Variants in ZFHX4 observed in about 807,000 individuals in gnomAD.
ZFHX4 encodes the protein zinc finger homeobox 4, also known as zinc finger homeobox protein 4.
In ZFHX4, 56 loss-of-function variants were observed where a neutral mutation model predicts 267.6. The observed-to-expected ratio is 0.21, with a 90% CI of 0.17 to 0.26. ZFHX4 has a LOEUF of 0.26. Ranked by LOEUF, ZFHX4 falls within the 10% of genes least tolerant of loss-of-function variation. The pLI is 1.00. For missense variants in ZFHX4, 4,332 were observed against 4,420.0 expected, an observed-to-expected ratio of 0.98 and a Z score of 0.56; for synonymous variants, 1,778 against 1,665.6, an observed-to-expected ratio of 1.07 and a Z score of -1.64.
At chr8:76,734,080 A>G (rs1031463070) in intron 3 of ZFHX4, among the ~76,000 whole-genome samples, 10 of 152,174 alleles carry the variant, frequency 6.6e-5, no homozygotes, top group African/African-American at 2.4e-4. Context: ...GCTTAGGAGT[A>G]CTTAGTTATC....
chr8:76,823,578 C>G (rs1811710025), intron 4 of ZFHX4, among the ~76,000 whole-genome samples: 1 of 152,144 alleles, frequency 6.6e-6, no homozygotes, highest in Non-Finnish European at 1.5e-5. Context: ...TTGTATCAAT[C>G]ACTGCCTAGG....
At chr8:76,838,996 A>G (rs917170879) in intron 5 of ZFHX4, among the ~76,000 whole-genome samples, 4 of 148,222 alleles carry the variant, frequency 2.7e-5, no homozygotes, top group Admixed American at 2.0e-4. Flanking sequence ...CAGAAGTTGC[A>G]TGAGCCGAGA....
intron 4 of ZFHX4, among the ~76,000 whole-genome samples, chr8:76,784,665 C>T (rs956937354): frequency 6.6e-6 from 1 of 152,042 alleles, no homozygotes; most frequent in African/African-American, 2.4e-5. Context: ...AAGTCTATGA[C>T]ATATTTAAAC....
rs777029195 is a variant in ZFHX4 at position 76,854,073 on chromosome 8, C to T, written c.7152C>T (p.Gly2384=). Residue 2384 remains glycine (G), a synonymous_variant, in exon 10 of 11, where the codon GGC becomes GGT. Transcript: ENST00000651372. The part of the protein sequence containing the change: ...KNAAAPAASS[G]SGTSTPLIPS... ...CTGCTGCCCCTGCAGCAAGTTCTGGCTCTGGGACCAGCACCCCCCTGATTC... is the reference window on the plus strand; with the variant it reads ...CTGCTGCCCCTGCAGCAAGTTCTGGTTCTGGGACCAGCACCCCCCTGATTC... 4 of 1,613,848 alleles carry T rather than the reference C, an allele frequency of 2.5e-6. No homozygotes were observed. Among genetic ancestry groups the T allele is most frequent in the Non-Finnish European group, 3.4e-6 (4 of 1,179,880 alleles).
intron 3 of ZFHX4, among the ~76,000 whole-genome samples, chr8:76,775,912 T>TA (rs1434887369): frequency 6.6e-6 from 1 of 150,802 alleles, no homozygotes; most frequent in African/African-American, 2.4e-5. Flanking sequence ...TTTTTTTTTT[T>TA]AATGTGAAAG....
At chr8:76,749,781 G>T (rs1023820048) in intron 3 of ZFHX4, among the ~76,000 whole-genome samples, 1 of 152,106 alleles carries the variant, frequency 6.6e-6, no homozygotes, top group Non-Finnish European at 1.5e-5. Flanking sequence ...GGATAGAGTA[G>T]GATTTATTGA....
chr8:76,770,843 A>G (rs1563512389), intron 3 of ZFHX4, among the ~76,000 whole-genome samples: 1 of 152,182 alleles, frequency 6.6e-6, no homozygotes, highest in Non-Finnish European at 1.5e-5. Flanking sequence ...AATGAACCTT[A>G]CACTTGGAAG....
At chr8:76,753,821 T>C (rs897259085) in intron 3 of ZFHX4, among the ~76,000 whole-genome samples, 5 of 151,912 alleles carry the variant, frequency 3.3e-5, no homozygotes, top group African/African-American at 1.2e-4. Flanking sequence ...AGAGATGGAG[T>C]CTTACTATGT....
rs138589543 is a variant in ZFHX4, at chr8:76,845,899, A to AT, written c.3512-3088dup. On this transcript the variant is annotated intron_variant, in intron 6 of 10. Transcript: ENST00000651372. ...TTTAGTTAAAATGAATGAAAATGAC[A>AT]TTTTTTTTGAGGATATTGTGTTGTC... Among the ~76,000 whole-genome samples, 38 of 151,876 alleles carry AT rather than the reference A, an allele frequency of 2.5e-4. 1 individual carries two copies. The highest frequency in any genetic ancestry group is 1.6e-3 in the Admixed American group (24 of 15,228).
At chr8:76,763,622 C>T (rs1809975074) in intron 3 of ZFHX4, among the ~76,000 whole-genome samples, 1 of 151,704 alleles carries the variant, frequency 6.6e-6, no homozygotes. Flanking sequence ...GACCCTGTCT[C>T]CAAAACAAAC....
At chr8:76,825,397 G>A (rs1332034819) in intron 4 of ZFHX4, among the ~76,000 whole-genome samples, 2 of 152,232 alleles carry the variant, frequency 1.3e-5, no homozygotes, top group Non-Finnish European at 2.9e-5. Flanking sequence ...AAGCCCAAGT[G>A]TATATGGATT....
intron 4 of ZFHX4, among the ~76,000 whole-genome samples, chr8:76,788,248 C>T (rs759027382): frequency 3.3e-5 from 5 of 152,044 alleles, no homozygotes; most frequent in African/African-American, 7.2e-5. Flanking sequence ...ATGTGTTATC[C>T]GTATTTCCAG....
intron 3 of ZFHX4, among the ~76,000 whole-genome samples, chr8:76,743,756 A>T (rs1809383156): frequency 6.6e-6 from 1 of 152,236 alleles, no homozygotes; most frequent in Admixed American, 6.5e-5. Context: ...ACTTTTGATC[A>T]GGAGCAGATG....
intron 5 of ZFHX4, chr8:76,833,636 T>C (rs1811996866): frequency 2.4e-6 from 1 of 422,944 alleles, no homozygotes; most frequent in Non-Finnish European, 4.4e-6. Flanking sequence ...ATTTCCCCAA[T>C]ACCCTCTCCC....
chr8:76,784,107 T>A (rs1468846238), intron 4 of ZFHX4, among the ~76,000 whole-genome samples: 1 of 152,026 alleles, frequency 6.6e-6, no homozygotes. Flanking sequence ...AAATTTCTTG[T>A]TGGACAAATA....
intron 3 of ZFHX4, among the ~76,000 whole-genome samples, chr8:76,748,723 A>G (rs374021716): frequency 6.6e-6 from 1 of 152,198 alleles, no homozygotes; most frequent in South Asian, 2.1e-4. Flanking sequence ...TAAAAACAAA[A>G]AAATTGTTAC....
intron 3 of ZFHX4, among the ~76,000 whole-genome samples, chr8:76,752,219 A>G (rs747443757): frequency 6.6e-6 from 1 of 152,176 alleles, no homozygotes; most frequent in Non-Finnish European, 1.5e-5. Flanking sequence ...ATGTTCAATT[A>G]CCTGCATGAA....
Position 76,864,597 on chromosome 8 carries a change from TAAAAAATA to T in ZFHX4, c.*47_*54del. On this transcript the variant is annotated 3_prime_UTR_variant, in exon 11 of 11. Transcript: ENST00000651372. Reference sequence around the variant, plus strand: ...AGACAGGATCCCGTGCTTAAAAAAATAAAAAATAAAAAAATAAAAAAAAAATAAGACTT... The same window carrying T: ...AGACAGGATCCCGTGCTTAAAAAAATAAAAAATAAAAAAAAAATAAGACTT... The T allele has an allele frequency of 4.6e-6, 6 of 1,298,824 alleles. No individual in the cohort carries two copies. The highest frequency in any genetic ancestry group is 5.9e-6 in the Non-Finnish European group (6 of 1,009,760). 80.5% of individuals were successfully genotyped at this position (1,298,824 alleles called of 1,614,324 possible). A position where few individuals can be genotyped will look rare whatever the true frequency, so the allele number is the denominator to read the frequency against.
At chr8:76,825,138 C>A (rs1811751584) in intron 4 of ZFHX4, among the ~76,000 whole-genome samples, 1 of 152,034 alleles carries the variant, frequency 6.6e-6, no homozygotes, top group Non-Finnish European at 1.5e-5. Context: ...GCCATAGTAC[C>A]AAATTGATAT....
Sources: gnomAD v4.1 joint callset for allele counts (sites outside exome capture counted in the v4.1 genomes callset) on GRCh38, gnomAD v4.1.1 for gene constraint, MANE v1.5 for transcripts, NCBI Gene and HGNC (gene_info 2026-07-23, HGNC 2026-07-21) for gene names.